NFATC1: variants seen among roughly 807,000 people sequenced by gnomAD.
The protein encoded by NFATC1 is nuclear factor of activated T cells 1, also known as nuclear factor of activated T-cells, cytoplasmic 1.
NFATC1 carries 22 observed loss-of-function variants against 76.0 expected under a neutral mutation model. The ratio of observed to expected loss-of-function variants is 0.29; its 90% confidence interval spans 0.21 to 0.41. NFATC1 has a LOEUF of 0.41. Among genes scored for constraint, NFATC1 ranks in the 10% least tolerant of loss-of-function variants. The probability of loss-of-function intolerance (pLI) is 1.00; values close to 1 mark genes in which losing one functional copy is unlikely to be tolerated. For synonymous variants in NFATC1, 704 were observed against 613.1 expected, an observed-to-expected ratio of 1.15 and a Z score of -2.19; for missense variants, 1,357 against 1,337.7, an observed-to-expected ratio of 1.01 and a Z score of -0.23.
At chr18:79,396,481 G>T in intron 1 of NFATC1, 130 bp downstream of exon 1, 1 of 469,520 alleles carries the variant, frequency 2.1e-6, no homozygotes, top group Non-Finnish European at 3.0e-6. Context: ...GGGTCTGTGC[G>T]CCCAGGGAGG....
At chr18:79,412,898 A>G (rs1403812397) in intron 2 of NFATC1, among the ~76,000 whole-genome samples, 2 of 152,212 alleles carry the variant, frequency 1.3e-5, no homozygotes, top group African/African-American at 2.4e-5. Flanking sequence ...TCTGTTTTTA[A>G]TACATTAAGG....
chr18:79,415,062 A>G (rs1320576106), intron 2 of NFATC1, among the ~76,000 whole-genome samples: 2 of 152,168 alleles, frequency 1.3e-5, no homozygotes, highest in Non-Finnish European at 2.9e-5. Context: ...ATGTGCGTCC[A>G]TGTCCAGGTC....
intron 9 of NFATC1, among the ~76,000 whole-genome samples, chr18:79,522,106 GTT>G (rs1247039675): frequency 2.0e-5 from 2 of 97,718 alleles, no homozygotes; most frequent in Non-Finnish European, 3.9e-5. Flanking sequence ...GCTGATGTGT[GTT>G]TTGTTTTGTG....
chr18:79,469,805 A>T (rs897084810), intron 8 of NFATC1: 39 of 984,192 alleles, frequency 4.0e-5, no homozygotes, highest in Non-Finnish European at 4.7e-5. Context: ...CCACAAGCAC[A>T]CTGACCAGCC....
chr18:79,474,323 G>A (rs950334399), intron 8 of NFATC1, among the ~76,000 whole-genome samples: 4 of 145,636 alleles, frequency 2.7e-5, no homozygotes, highest in South Asian at 2.2e-4. Flanking sequence ...TGAGGGAAGC[G>A]TGTTCTCGCG....
At chr18:79,510,807 ACGGGGCTCCTCTGC>A (rs2090224964) in intron 9 of NFATC1, among the ~76,000 whole-genome samples, 1 of 151,558 alleles carries the variant, frequency 6.6e-6, no homozygotes, top group South Asian at 2.1e-4. Context: ...CATCCCCTCC[ACGGGGCTCCTCTGC>A]CGGGGCATCC....
In NFATC1 at chr18:79,412,756, C is replaced by A. The variant is rs570418154; in HGVS notation, c.1226+1255C>A. Among the ~76,000 whole-genome samples, 64 of 152,356 alleles carry A rather than the reference C, an allele frequency of 4.2e-4. 1 individual carries two copies. In the South Asian group the frequency reaches 6.8e-3, roughly 16 times the overall value. ...TAGAGCTGACAGTTCTTTGAGCAGC[C>A]CCATGGCTGATTCTGCCTTTCTACT... On this transcript the variant is annotated intron_variant, in intron 2 of 9. Coordinates refer to ENST00000427363, the MANE Select transcript of NFATC1 (RefSeq NM_001278669.2).
chr18:79,521,076 T>TG (rs1460753672), intron 9 of NFATC1, among the ~76,000 whole-genome samples: 13 of 56,860 alleles, frequency 2.3e-4, no homozygotes, highest in African/African-American at 2.9e-4. Context: ...CATGTGTGTG[T>TG]GGGGGCATCC....
At chr18:79,480,629 C>G (rs192912231) in intron 8 of NFATC1, among the ~76,000 whole-genome samples, 7 of 152,134 alleles carry the variant, frequency 4.6e-5, no homozygotes, top group African/African-American at 1.7e-4. Flanking sequence ...TAAACGGGGC[C>G]GTGTCTGAGC....
In NFATC1 at chr18:79,527,568, C is replaced by T. The variant is rs1456684165; in HGVS notation, c.2823C>T (p.Thr941=). 2.5e-6 allele frequency: 4 copies of T among 1,613,888 alleles called. No individual in the cohort carries two copies. Among genetic ancestry groups the T allele is most frequent in the Non-Finnish European group, 3.4e-6 (4 of 1,179,948 alleles). The change falls in exon 10 of 10, where the codon ACC becomes ACT. Residue 941 remains threonine (T), a synonymous_variant. Coordinates refer to ENST00000427363, the MANE Select transcript of NFATC1 (RefSeq NM_001278669.2). ...IIRNDLSSTS[T]HS ...GAAATGACCTCTCCAGCACGAGCAC[C>T]CACTCCTAGTTGCCACATTGGAGCA...
At chr18:79,513,336 C>T (rs1416901101) in intron 9 of NFATC1, among the ~76,000 whole-genome samples, 4 of 152,120 alleles carry the variant, frequency 2.6e-5, no homozygotes, top group Non-Finnish European at 4.4e-5. Context: ...GTGAGGCTCC[C>T]GGGTCAGCAC....
Position 79,396,215 on chromosome 18 carries a change from C to T in NFATC1, c.-10C>T, listed in dbSNP as rs374592826. On this transcript the variant is annotated 5_prime_UTR_variant, in exon 1 of 10. Coordinates refer to ENST00000427363, the MANE Select transcript of NFATC1 (RefSeq NM_001278669.2). The stretch of plus-strand genomic sequence containing the variant: ...CGCCCGCCGCTCCACTCCCCGCCGC[C>T]GCCGCGCGGATGCCAAGCACCAGCT... 15 of 1,483,068 alleles carry T rather than the reference C, an allele frequency of 1.0e-5. No homozygotes were observed. The highest frequency in any genetic ancestry group is 1.4e-5 in the Non-Finnish European group (15 of 1,108,792). 91.9% of individuals were successfully genotyped at this position (1,483,068 alleles called of 1,614,324 possible).
Position 79,410,892 on chromosome 18 carries a change from A to C in NFATC1, c.617A>C (p.Gln206Pro), listed in dbSNP as rs1295115387. ...GCGTCCCCCCAGACGTCGCCATGGCAGTCTCCCTGCGTGTCTCCCAAGACC... is the reference window on the plus strand; with the variant it reads ...GCGTCCCCCCAGACGTCGCCATGGCCGTCTCCCTGCGTGTCTCCCAAGACC... ...PYASPQTSPW[Q>P]SPCVSPKTTD... The change falls in exon 2 of 10, where the codon CAG (glutamine) becomes CCG (proline). Residue 206 changes from glutamine (Q) to proline (P), a missense_variant. Transcript: ENST00000427363. This position sits in a 1 kb window ranked among gnomAD's most constrained non-coding sequence, Gnocchi z 6.7. The C allele has an allele frequency of 1.1e-5, 17 of 1,608,762 alleles. No individual in the cohort carries two copies. In the East Asian group the frequency reaches 3.6e-4, roughly 34 times the overall value.
chr18:79,518,828 G>A (rs55986020), intron 9 of NFATC1, among the ~76,000 whole-genome samples: 6,852 of 152,336 alleles, frequency 0.045, 236 homozygotes, highest in Admixed American at 0.082. Flanking sequence ...GTGGACGGCC[G>A]TTGATTCTGT....
At chr18:79,526,037 G>A (rs2090752514) in intron 9 of NFATC1, among the ~76,000 whole-genome samples, 1 of 152,218 alleles carries the variant, frequency 6.6e-6, no homozygotes, top group Admixed American at 6.5e-5. Flanking sequence ...GCAGCCTAGG[G>A]CATTTGGGTG....
intron 2 of NFATC1, among the ~76,000 whole-genome samples, chr18:79,431,199 A>G (rs189834398): frequency 7.9e-5 from 12 of 152,316 alleles, no homozygotes; most frequent in East Asian, 1.9e-4. Context: ...TGAGTTTTCA[A>G]ATTACTATGA....
intron 4 of NFATC1, among the ~76,000 whole-genome samples, chr18:79,450,686 G>A (rs1199853862): frequency 2.0e-5 from 3 of 152,188 alleles, no homozygotes; most frequent in African/African-American, 7.2e-5. Flanking sequence ...CTGGAGGAAG[G>A]TGGGAAGGGG....
At chr18:79,480,889 G>A (rs922868500) in intron 8 of NFATC1, among the ~76,000 whole-genome samples, 1 of 152,262 alleles carries the variant, frequency 6.6e-6, no homozygotes, top group African/African-American at 2.4e-5. Flanking sequence ...ATCCCGAGCA[G>A]CGGAGAGAGG....
chr18:79,409,940 C>G (rs2085601625), intron 1 of NFATC1: 1 of 484,620 alleles, frequency 2.1e-6, no homozygotes, highest in Non-Finnish European at 4.1e-6. Context: ...AAGGATGGCC[C>G]ACGTGTTGAG....
Sources: allele counts gnomAD v4.1 joint callset (sites outside exome capture counted in the v4.1 genomes callset), GRCh38; gene constraint gnomAD v4.1.1; non-coding constraint Gnocchi (gnomAD v3.1); transcripts MANE v1.5; gene names NCBI Gene and HGNC (gene_info 2026-07-23, HGNC 2026-07-21).